INTS1: variants seen among roughly 807,000 people sequenced by gnomAD.
The protein encoded by INTS1 is integrator complex subunit 1.
Under a neutral mutation model 241.6 loss-of-function variants are expected in INTS1, and 137 were observed. That is an observed-to-expected ratio of 0.57 (90% confidence interval 0.49 to 0.65). INTS1 has a LOEUF of 0.65. Among genes scored for constraint, INTS1 ranks in the 30% least tolerant of loss-of-function variants. The probability of loss-of-function intolerance (pLI) is 0.00; values close to 1 mark genes in which losing one functional copy is unlikely to be tolerated. For synonymous variants in INTS1, 1,692 were observed against 1,337.8 expected (o/e 1.26, Z -5.78); for missense variants, 3,073 against 3,032.2 (o/e 1.01, Z -0.32).
Position 1,485,116 on chromosome 7 carries a change from C to T in INTS1, c.3243G>A (p.Gln1081=), listed in dbSNP as rs751098030. ...GCCTCACCAGGGCCAGGTCGCTGTG[C>T]TGGGCCTGCTCCTCCACAGGCGTGT... is the stretch of plus-strand genomic sequence containing the variant. The part of the protein sequence containing the change: ...SQHTPVEEQA[Q]HSDLALDVAR... The change falls in exon 24 of 48, where the codon CAG becomes CAA. Residue 1081 remains glutamine, a synonymous_variant. Transcript: ENST00000404767. 6.2e-7 allele frequency: 1 copy of T among 1,600,250 alleles called. No homozygotes were observed. The highest frequency in any genetic ancestry group is 8.5e-7 in the Non-Finnish European group (1 of 1,179,084).
At chr7:1,482,796 C>T in intron 26 of INTS1, 89 bp from the exon 27 acceptor site, 1 of 1,487,440 alleles carries the variant, frequency 6.7e-7, no homozygotes, top group Admixed American at 2.0e-5. Flanking sequence ...GGCACCTCCT[C>T]TCCCGAGAAG....
At position 1,501,933 on chromosome 7, in the gene INTS1, T is replaced by C. The variant is rs149879680; in HGVS notation, c.349+968A>G. Among the ~76,000 whole-genome samples the C allele has an allele frequency of 2.0e-5, 3 of 152,236 alleles. No homozygotes were observed. In the East Asian group the frequency reaches 5.8e-4, roughly 30 times the overall value. ...CTGCTTGGCATCTCCCTTTCCTGCC[T>C]GCCCCGGTTTCATCGCCTGTGCTTC... On this transcript the variant is annotated intron_variant, in intron 3 of 47. Coordinates refer to ENST00000404767, the MANE Select transcript of INTS1 (RefSeq NM_001080453.3).
chr7:1,498,253 C>T, intron 10 of INTS1, 159 bp downstream of exon 10: 1 of 1,149,010 alleles, frequency 8.7e-7, no homozygotes, highest in Non-Finnish European at 1.2e-6. Flanking sequence ...ACGGCTCAAC[C>T]TCATGCCCAC....
At position 1,478,512 on chromosome 7, in the gene INTS1, G is replaced by A. The variant is rs1331841024; in HGVS notation, c.4490-6C>T. 2.5e-6 allele frequency: 4 copies of A among 1,608,528 alleles called. No individual in the cohort carries two copies. In the South Asian group the frequency reaches 4.4e-5, roughly 18 times the overall value. ...GCGCAGGAGCCCCCCTCGCACTGTG[G>A]GAGGTCTGTGTGAGTGCCCTGTGGC... On this transcript the variant is annotated splice_region_variant and splice_polypyrimidine_tract_variant and intron_variant, in intron 32 of 47. Coordinates refer to ENST00000404767, the MANE Select transcript of INTS1 (RefSeq NM_001080453.3).
intron 14 of INTS1, among the ~76,000 whole-genome samples, chr7:1,494,170 G>A (rs1782732976): frequency 6.6e-6 from 1 of 152,210 alleles, no homozygotes; most frequent in Non-Finnish European, 1.5e-5. Flanking sequence ...ACAGTCACTG[G>A]TTCCTACAAC....
intron 18 of INTS1, 58 bp from the exon 19 acceptor site, chr7:1,488,015 G>A: frequency 6.4e-7 from 1 of 1,569,588 alleles, no homozygotes; most frequent in South Asian, 1.1e-5. Context: ...CACTCCCAGT[G>A]GGCCACGCTC....
Position 1,471,209 on chromosome 7 carries a change from G to A in INTS1, c.6271C>T (p.Leu2091=). 1 of 1,579,118 alleles carries A rather than the reference G, an allele frequency of 6.3e-7. No homozygotes were observed. The highest frequency in any genetic ancestry group is 8.6e-7 in the Non-Finnish European group (1 of 1,163,988). The change falls in exon 46 of 48, where the codon CTG becomes TTG. Residue 2091 remains leucine (L), a synonymous_variant. Transcript: ENST00000404767. ...LSFFSTNLQR[L]MSSAEECCRN... Reference sequence around the variant, plus strand: ...CAACACTCCTCGGCCGAGCTCATCAGCCGCTGCAGGTTGGTCTGACCGGGG... The same window carrying A: ...CAACACTCCTCGGCCGAGCTCATCAACCGCTGCAGGTTGGTCTGACCGGGG...
In INTS1 at chr7:1,474,160, G is replaced by C; in HGVS notation, c.5829+8C>G. 1 of 1,554,966 alleles carries C rather than the reference G, an allele frequency of 6.4e-7. No individual in the cohort carries two copies. The highest frequency in any genetic ancestry group is 1.2e-5 in the South Asian group (1 of 85,080). ...GGGAGCGCGAGGGCGGGCGGCGGGA[G>C]CACACACCAGCAGCAGGCGGATGAA... On this transcript the variant is annotated splice_region_variant and intron_variant, in intron 41 of 47. Coordinates refer to ENST00000404767, the MANE Select transcript of INTS1 (RefSeq NM_001080453.3).
rs780312974 is a variant in INTS1, at chr7:1,477,764, C to T, written c.4803G>A (p.Ala1601=). Reference sequence around the variant, plus strand: ...GCACCCCAGCTCACCTGCCACCGTCCGCACCCGGCTTCCCCCCAGCCAGGG... The same window carrying T: ...GCACCCCAGCTCACCTGCCACCGTCTGCACCCGGCTTCCCCCCAGCCAGGG... ...EEPLAGGKPG[A]DGGSLEAVRL... Residue 1601 remains alanine (A), a synonymous_variant, in exon 34 of 48, where the codon GCG becomes GCA. Coordinates refer to ENST00000404767, the MANE Select transcript of INTS1 (RefSeq NM_001080453.3). The T allele has an allele frequency of 7.3e-5, 117 of 1,612,274 alleles. 1 individual carries two copies. In the Middle Eastern group the frequency reaches 1.7e-3, roughly 23 times the overall value.
At chr7:1,498,340 A>G in intron 10 of INTS1, 72 bp downstream of exon 10, 2 of 1,578,418 alleles carry the variant, frequency 1.3e-6, no homozygotes, top group Non-Finnish European at 1.7e-6. Context: ...GCCTCCCCAG[A>G]CGCCACGTGC....
In INTS1 at chr7:1,497,175, T is replaced by C. The variant is rs1782905026; in HGVS notation, c.1565A>G (p.Glu522Gly). The C allele has an allele frequency of 1.2e-6, 2 of 1,610,662 alleles. No homozygotes were observed. The highest frequency in any genetic ancestry group is 1.7e-6 in the Non-Finnish European group (2 of 1,178,888). The change falls in exon 11 of 48, where the codon GAG becomes GGG. Residue 522 changes from glutamate to glycine, a missense_variant. Transcript: ENST00000404767. This position sits in a 1 kb window ranked among gnomAD's most constrained non-coding sequence, Gnocchi z 5.3. ...FQAFCLGLMQ[E>G]RKEPQYLEME... ...CTCCAGGTACTGCGGCTCCTTGCGC[T>C]CCTGCATGAGCCCCAGGCAGAAGGC...
At position 1,482,319 on chromosome 7, in the gene INTS1, C is replaced by G. The variant is rs180751353; in HGVS notation, c.3703+227G>C. The G allele has an allele frequency of 1.3e-3, 571 of 430,786 alleles. 1 individual carries two copies. Among genetic ancestry groups the G allele is most frequent in the Non-Finnish European group, 2.0e-3 (491 of 243,396 alleles). 26.7% of individuals were successfully genotyped at this position (430,786 alleles called of 1,614,324 possible). A position where few individuals can be genotyped will look rare whatever the true frequency, so the allele number is the denominator to read the frequency against. On this transcript the variant is annotated intron_variant, in intron 27 of 47. Transcript: ENST00000404767. ...TCTCACTCTAGACCCCTGAGCCTGACAGTAAGACCCTCTCGGACGGGGCCA... is the reference window on the plus strand; with the variant it reads ...TCTCACTCTAGACCCCTGAGCCTGAGAGTAAGACCCTCTCGGACGGGGCCA...
At chr7:1,471,280 C>T (rs982120099) in intron 45 of INTS1, 56 bp from the exon 46 acceptor site, 1 of 1,499,300 alleles carries the variant, frequency 6.7e-7, no homozygotes, top group Non-Finnish European at 9.1e-7. Context: ...CCCATCAAGG[C>T]CCCTTCACCT....
At chr7:1,495,352 G>C in intron 13 of INTS1, 81 bp downstream of exon 13, 3 of 1,499,642 alleles carry the variant, frequency 2.0e-6, no homozygotes. Flanking sequence ...AGTGGGGTTT[G>C]GGGCAGGGGT....
At chr7:1,489,703 G>C in intron 16 of INTS1, 21 bp from the exon 17 acceptor site, 1 of 1,468,360 alleles carries the variant, frequency 6.8e-7, no homozygotes, top group South Asian at 1.3e-5. Context: ...GGGGCGCCCC[G>C]ACTCAGGCCC....
In INTS1 at chr7:1,497,268, T is replaced by C; in HGVS notation, c.1472A>G (p.Tyr491Cys). The C allele has an allele frequency of 6.2e-7, 1 of 1,613,134 alleles. No homozygotes were observed. Among genetic ancestry groups the C allele is most frequent in the Non-Finnish European group, 8.5e-7 (1 of 1,179,702 alleles). The stretch of plus-strand genomic sequence containing the variant: ...CAGCAGGGCCCGCGAGGCCCGCAGG[T>C]AGTCGTCCTTGTTGGTCAGCAGGTC... Reference protein sequence around the residue: ...FQDLLTNKDDYLRASRALLRE... With the variant: ...FQDLLTNKDDCLRASRALLRE... The change falls in exon 11 of 48, where the codon TAC becomes TGC. Residue 491 changes from tyrosine (Y) to cysteine (C), a missense_variant. Transcript: ENST00000404767. The surrounding 1 kb of genome is among the most constrained non-coding windows in gnomAD (Gnocchi z 5.3).
intron 7 of INTS1, 44 bp downstream of exon 7, chr7:1,499,211 C>T (rs373860287): frequency 6.2e-5 from 99 of 1,603,246 alleles, no homozygotes; most frequent in Non-Finnish European, 8.2e-5. Context: ...CCGAGGCGCC[C>T]GCCCCCGCCG....
At chr7:1,496,344 G>T in intron 11 of INTS1, 80 bp from the exon 12 acceptor site, 5 of 546,912 alleles carry the variant, frequency 9.1e-6, no homozygotes, top group Non-Finnish European at 1.3e-5. Flanking sequence ...GCGGCACGGG[G>T]TCTGTATCCA....
intron 36 of INTS1, 32 bp from the exon 37 acceptor site, chr7:1,476,689 GTGTC>G (rs781745022): frequency 3.5e-5 from 57 of 1,612,270 alleles, no homozygotes; most frequent in Admixed American, 1.7e-4. Context: ...AGAGCACGAG[GTGTC>G]TCGTCTCAGC....
Sources: allele counts gnomAD v4.1 joint callset (sites outside exome capture counted in the v4.1 genomes callset), GRCh38; gene constraint gnomAD v4.1.1; non-coding constraint Gnocchi (gnomAD v3.1); transcripts MANE v1.5; gene names NCBI Gene and HGNC (gene_info 2026-07-23, HGNC 2026-07-21).